Variants in ZNF609 observed in about 807,000 individuals in gnomAD.
ZNF609 encodes the protein zinc finger protein 609.
In ZNF609, 11 loss-of-function variants were observed where a neutral mutation model predicts 109.5. The observed-to-expected ratio is 0.10, with a 90% confidence interval of 0.06 to 0.17. ZNF609 has a LOEUF of 0.17. Among genes scored for constraint, ZNF609 ranks in the 10% least tolerant of loss-of-function variants. ZNF609 has a pLI of 1.00. For missense variants in ZNF609, 1,559 were observed against 1,772.4 expected, an observed-to-expected ratio of 0.88 and a Z score of 2.16; for synonymous variants, 646 against 662.0, an observed-to-expected ratio of 0.98 and a Z score of 0.37.
chr15:64,661,134 G>GT (rs1209248186), intron 3 of ZNF609, among the ~76,000 whole-genome samples: 2 of 151,928 alleles, frequency 1.3e-5, no homozygotes, highest in African/African-American at 4.8e-5. Flanking sequence ...GCTAATTTTG[G>GT]TATTTTTTGT....
chr15:64,536,771 G>A (rs1894153894), intron 2 of ZNF609, among the ~76,000 whole-genome samples: 1 of 151,430 alleles, frequency 6.6e-6, no homozygotes, highest in Non-Finnish European at 1.5e-5. Flanking sequence ...GTGGCATGCA[G>A]GCCTGTCCCA....
intron 2 of ZNF609, among the ~76,000 whole-genome samples, chr15:64,551,436 AC>A (rs979948144): frequency 1.3e-5 from 2 of 152,024 alleles, no homozygotes; most frequent in Non-Finnish European, 2.9e-5. Flanking sequence ...CAGGCGGATA[AC>A]CTGAGGTCAG....
At chr15:64,512,507 GAAAAT>G (rs1311655375) in intron 2 of ZNF609, among the ~76,000 whole-genome samples, 1 of 152,074 alleles carries the variant, frequency 6.6e-6, no homozygotes, top group Non-Finnish European at 1.5e-5. Flanking sequence ...CATGACATTT[GAAAAT>G]AAAATAATGT....
chr15:64,642,415 C>G (rs781049276), intron 3 of ZNF609, among the ~76,000 whole-genome samples: 3 of 152,064 alleles, frequency 2.0e-5, no homozygotes, highest in Non-Finnish European at 4.4e-5. Flanking sequence ...AAGCTCCTGT[C>G]CTCAAGTGAT....
chr15:64,591,162 G>T (rs1490904909), intron 2 of ZNF609, among the ~76,000 whole-genome samples: 1 of 151,988 alleles, frequency 6.6e-6, no homozygotes, highest in African/African-American at 2.4e-5. Context: ...AAGTGCAGTG[G>T]CTCACGCCTG....
intron 3 of ZNF609, among the ~76,000 whole-genome samples, chr15:64,657,914 T>C (rs1276506468): frequency 6.6e-6 from 1 of 152,144 alleles, no homozygotes; most frequent in Admixed American, 6.6e-5. Flanking sequence ...GCCCAAAGTT[T>C]CCTGCTTCCT....
At chr15:64,487,619 TG>T (rs960203839) in intron 1 of ZNF609, among the ~76,000 whole-genome samples, 2 of 151,890 alleles carry the variant, frequency 1.3e-5, no homozygotes, top group African/African-American at 4.8e-5. Flanking sequence ...GTTTTTTTTT[TG>T]TTGTTTGTTT....
At chr15:64,625,934 TATAGAGAGAGAGAGAG>T (rs1201349046) in intron 3 of ZNF609, among the ~76,000 whole-genome samples, 1,916 of 70,992 alleles carry the variant, frequency 0.027, 15 homozygotes, top group African/African-American at 0.042. Flanking sequence ...TATATATATA[TATAGAGAGAGAGAGAG>T]AGAGAGAGAG....
intron 3 of ZNF609, among the ~76,000 whole-genome samples, chr15:64,644,223 G>A (rs1401768787): frequency 6.6e-6 from 1 of 152,100 alleles, no homozygotes; most frequent in Non-Finnish European, 1.5e-5. Context: ...GAAGGCCAAG[G>A]CCAATGGCTC....
chr15:64,515,108 G>T (rs1893787366), intron 2 of ZNF609, among the ~76,000 whole-genome samples: 1 of 152,152 alleles, frequency 6.6e-6, no homozygotes, highest in Admixed American at 6.5e-5. Context: ...CCAGGAAAAA[G>T]CAGTCGTTTT....
rs543453739 is a variant in ZNF609, at chr15:64,490,796, A to T, written c.-127-8497A>T. 5.3e-5 allele frequency among the ~76,000 whole-genome samples: 8 copies of T among 152,324 alleles called. No homozygotes were observed. The East Asian group carries it at 1.5e-3, about 29-fold the overall frequency. On this transcript the variant is annotated intron_variant, in intron 1 of 9. Coordinates refer to ENST00000326648, the MANE Select transcript of ZNF609 (RefSeq NM_015042.2). ...AGTAGTGACAAACAACAAGGATCTG[A>T]ACTTGAGCCCAGTTGAATTGCTATG...
At chr15:64,511,440 C>T (rs1256719990) in intron 2 of ZNF609, among the ~76,000 whole-genome samples, 1 of 145,736 alleles carries the variant, frequency 6.9e-6, no homozygotes, top group Non-Finnish European at 1.5e-5. Flanking sequence ...GAGAACACGC[C>T]ACTGCACTCC....
intron 1 of ZNF609, among the ~76,000 whole-genome samples, chr15:64,491,767 C>T (rs1409201471): frequency 1.3e-5 from 2 of 151,798 alleles, no homozygotes; most frequent in Admixed American, 6.6e-5. Context: ...ATCGCTTGAA[C>T]CCAGGAGGTG....
At chr15:64,607,816 CTTCTTTCT>C (rs71133456) in intron 2 of ZNF609, among the ~76,000 whole-genome samples, 4,137 of 98,834 alleles carry the variant, frequency 0.042, 431 homozygotes, top group South Asian at 0.16. Context: ...TAAATGTTTT[CTTCTTTCT>C]TTCTTTCTTT....
At chr15:64,526,154 A>C (rs941357314) in intron 2 of ZNF609, among the ~76,000 whole-genome samples, 1 of 150,770 alleles carries the variant, frequency 6.6e-6, no homozygotes, top group Non-Finnish European at 1.5e-5. Flanking sequence ...GTACACCAAA[A>C]TCTTGCACTT....
At chr15:64,467,171 TG>T (rs1893027036) in intron 1 of ZNF609, among the ~76,000 whole-genome samples, 1 of 152,204 alleles carries the variant, frequency 6.6e-6, no homozygotes, top group African/African-American at 2.4e-5. Context: ...ATTTTTCTCT[TG>T]TCTCTGTGAG....
intron 2 of ZNF609, chr15:64,501,699 A>G (rs1295058285): frequency 1.3e-5 from 2 of 152,214 alleles, no homozygotes; most frequent in African/African-American, 4.8e-5. Flanking sequence ...CCATATATCC[A>G]TATTCATAAT....
Position 64,678,297 on chromosome 15 carries a change from C to T in ZNF609, c.3584C>T (p.Thr1195Met), listed in dbSNP as rs146522359. The change falls in exon 6 of 10, where the codon ACG (threonine) becomes ATG (methionine). Residue 1195 changes from threonine (T) to methionine (M), a missense_variant. Physicochemically the swap from Thr to Met is moderately conservative, Grantham distance 81. Coordinates refer to ENST00000326648, the MANE Select transcript of ZNF609 (RefSeq NM_015042.2). ...ACAAGTAGTGACTGCAAGCTGCCCA[C>T]GTCAGAGGAGTCTCGCCTTGGGAGC... is the stretch of plus-strand genomic sequence containing the variant. ...ESTSSDCKLP[T>M]SEESRLGSKE... 3.2e-3 allele frequency: 5,230 copies of T among 1,614,172 alleles called. 23 individuals are homozygous for T. Among genetic ancestry groups the T allele is most frequent in the Non-Finnish European group, 3.8e-3 (4,436 of 1,180,028 alleles).
chr15:64,510,711 T>A (rs539085101), intron 2 of ZNF609, among the ~76,000 whole-genome samples: 34 of 152,284 alleles, frequency 2.2e-4, no homozygotes, highest in Non-Finnish European at 3.7e-4. Context: ...AAAAAGACAG[T>A]TTTTAGATGT....
Sources: gnomAD v4.1 joint callset for allele counts (sites outside exome capture counted in the v4.1 genomes callset) on GRCh38, gnomAD v4.1.1 for gene constraint, MANE v1.5 for transcripts, NCBI Gene and HGNC (gene_info 2026-07-23, HGNC 2026-07-21) for gene names.